Variants in CUL2 observed in about 807,000 individuals in gnomAD.
The protein encoded by CUL2 is cullin 2.
In CUL2, 22 loss-of-function variants were observed where a neutral mutation model predicts 110.2. The ratio of observed to expected loss-of-function variants is 0.20; its 90% confidence interval spans 0.14 to 0.28. CUL2 has a LOEUF of 0.28. Ranked by LOEUF, CUL2 falls within the 10% of genes least tolerant of loss-of-function variation. The pLI, the probability that CUL2 is intolerant of heterozygous loss-of-function variation, is 1.00. For missense variants in CUL2, 631 were observed against 905.5 expected (o/e 0.70, Z 3.89); for synonymous variants, 279 against 293.2 (o/e 0.95, Z 0.49).
intron 2 of CUL2, among the ~76,000 whole-genome samples, chr10:35,067,275 G>T (rs1217379929): frequency 6.6e-6 from 1 of 152,098 alleles, no homozygotes; most frequent in Non-Finnish European, 1.5e-5. Context: ...AATCATTTTG[G>T]ACTTACTATA....
In CUL2 at chr10:35,031,181, C is replaced by A; in HGVS notation, c.1386+119G>T. 1 of 638,266 alleles carries A rather than the reference C, an allele frequency of 1.6e-6. No homozygotes were observed. The highest frequency in any genetic ancestry group is 2.7e-6 in the Non-Finnish European group (1 of 373,386). The allele number at this position is 638,266 out of a possible 1,614,324, so 39.5% of individuals were successfully genotyped here. ...TTGTATATCCCACTGTGTGACTACA[C>A]AAATACACATTTAACCAGATGAATT... is the stretch of plus-strand genomic sequence containing the variant. On this transcript the variant is annotated intron_variant, in intron 14 of 20. Coordinates refer to ENST00000374749, the MANE Select transcript of CUL2 (RefSeq NM_003591.4). The surrounding 1 kb of genome is among the most constrained non-coding windows in gnomAD (Gnocchi z 4.4).
At chr10:35,061,052 C>A in intron 3 of CUL2, 84 bp from the exon 4 acceptor site, 1 of 1,366,516 alleles carries the variant, frequency 7.3e-7, no homozygotes, top group East Asian at 2.5e-5. Flanking sequence ...AATTAATGTT[C>A]TAAAATAATT....
At chr10:35,091,141 T>C (rs959890103), upstream of CUL2, among the ~76,000 whole-genome samples, 9 of 152,198 alleles carry the variant, frequency 5.9e-5, no homozygotes, top group African/African-American at 1.9e-4. Flanking sequence ...ACGGTAAAGC[T>C]GATAAAAATA....
chr10:35,071,486 G>A (rs1429867920), intron 1 of CUL2, 147 bp from the exon 2 acceptor site: 7 of 620,280 alleles, frequency 1.1e-5, no homozygotes, highest in Non-Finnish European at 1.6e-5. Context: ...CTCACTGCAA[G>A]CTCCGCCTCC....
At chr10:35,013,567 C>G in intron 19 of CUL2, 132 bp downstream of exon 19, 1 of 586,528 alleles carries the variant, frequency 1.7e-6, no homozygotes. Flanking sequence ...ATGCCAACAA[C>G]AAACCAGAAA....
chr10:35,049,192 T>TGA (rs921385592), intron 6 of CUL2, among the ~76,000 whole-genome samples: 1 of 152,230 alleles, frequency 6.6e-6, no homozygotes, highest in African/African-American at 2.4e-5. Flanking sequence ...TTAACCACTC[T>TGA]GAGCCATGGG....
intron 6 of CUL2, among the ~76,000 whole-genome samples, chr10:35,048,823 GTGA>G (rs2086017705): frequency 6.6e-6 from 1 of 152,136 alleles, no homozygotes; most frequent in African/African-American, 2.4e-5. Context: ...ATCTTCTTAT[GTGA>G]GGCATAGGGG....
At chr10:35,075,050 C>G (rs2086779419) in intron 1 of CUL2, among the ~76,000 whole-genome samples, 1 of 152,176 alleles carries the variant, frequency 6.6e-6, no homozygotes, top group African/African-American at 2.4e-5. Flanking sequence ...AACAGTTGCA[C>G]AGACTTTTTT....
At chr10:35,043,930 T>C (rs1407561713) in intron 8 of CUL2, among the ~76,000 whole-genome samples, 3 of 150,822 alleles carry the variant, frequency 2.0e-5, no homozygotes, top group African/African-American at 7.3e-5. Flanking sequence ...TTGCTGGGCG[T>C]GGTGGTGTGT....
At chr10:35,010,522 T>C (rs912163503) in intron 20 of CUL2, 80 bp from the exon 21 acceptor site, 30 of 1,382,190 alleles carry the variant, frequency 2.2e-5, no homozygotes, top group Non-Finnish European at 2.7e-5. Flanking sequence ...CAGTTTAAAG[T>C]GCCTCAAATG....
intron 1 of CUL2, chr10:35,074,135 G>A: frequency 6.7e-7 from 1 of 1,503,550 alleles, no homozygotes; most frequent in Non-Finnish European, 8.9e-7. Context: ...CAAAGTTCTT[G>A]ACTTCAAGAT....
rs2084820469 is a variant in CUL2 at position 35,008,688 on chromosome 10, G to A, written c.*1623C>T. The stretch of plus-strand genomic sequence containing the variant: ...GTAAAATGAGAAATACATTATATAA[G>A]TCATTATAAGTTCAGTAGATTTTTA... On this transcript the variant is annotated 3_prime_UTR_variant, in exon 21 of 21. Transcript: ENST00000374749. The A allele has an allele frequency of 2.0e-5, 3 of 152,092 alleles. No individual in the cohort carries two copies. Among genetic ancestry groups the A allele is most frequent in the Non-Finnish European group, 4.4e-5 (3 of 68,020 alleles). The allele number at this position is 152,092 out of a possible 1,614,324, so 9.4% of individuals were successfully genotyped here. A position where few individuals can be genotyped will look rare whatever the true frequency, so the allele number is the denominator to read the frequency against.
chr10:35,095,216 CA>C (rs746503175), upstream of CUL2, among the ~76,000 whole-genome samples: 29 of 151,332 alleles, frequency 1.9e-4, no homozygotes, highest in Non-Finnish European at 4.3e-4. Context: ...CCCAGCTACT[CA>C]GGAGGCTGAG....
In CUL2 at chr10:35,013,820, A is replaced by G; in HGVS notation, c.1888-20T>C. 1 of 1,372,620 alleles carries G rather than the reference A, an allele frequency of 7.3e-7. No individual in the cohort carries two copies. The highest frequency in any genetic ancestry group is 9.6e-7 in the Non-Finnish European group (1 of 1,037,472). The allele number at this position is 1,372,620 out of a possible 1,614,324, so 85.0% of individuals were successfully genotyped here. ...ATCTTCCTACATTTAAAAATAAAAC[A>G]TTTATATTTATAAAAACCAAAATCT... On this transcript the variant is annotated intron_variant, in intron 18 of 20. Transcript: ENST00000374749.
intron 7 of CUL2, 34 bp downstream of exon 7, chr10:35,044,738 G>A: frequency 6.3e-7 from 1 of 1,580,812 alleles, no homozygotes; most frequent in Non-Finnish European, 8.7e-7. Context: ...GAAATTAACA[G>A]TCTGATTATT....
chr10:35,110,906 G>T (rs540852453), intron 1 of CUL2, among the ~76,000 whole-genome samples: 28 of 152,318 alleles, frequency 1.8e-4, no homozygotes, highest in African/African-American at 6.7e-4. Flanking sequence ...GAGACTTAGA[G>T]AAGTGAATTT....
chr10:35,108,065 C>T (rs190033350), intron 1 of CUL2, among the ~76,000 whole-genome samples: 16 of 152,090 alleles, frequency 1.1e-4, no homozygotes, highest in African/African-American at 2.7e-4. Flanking sequence ...GGAAAAATAA[C>T]ATCTTCGCCT....
At chr10:35,109,055 A>G (rs1349497444) in intron 1 of CUL2, among the ~76,000 whole-genome samples, 1 of 152,166 alleles carries the variant, frequency 6.6e-6, no homozygotes. Flanking sequence ...TCTACAAAAA[A>G]TACAAAAGTT....
chr10:35,049,860 G>A, intron 5 of CUL2, 95 bp from the exon 6 acceptor site: 1 of 762,662 alleles, frequency 1.3e-6, no homozygotes, highest in South Asian at 1.8e-5. Flanking sequence ...CTCATCAAAA[G>A]AAGTATTTAT....
Sources: gnomAD v4.1 joint callset for allele counts (sites outside exome capture counted in the v4.1 genomes callset) on GRCh38, gnomAD v4.1.1 for gene constraint, Gnocchi (gnomAD v3.1) non-coding constraint, MANE v1.5 for transcripts, NCBI Gene and HGNC (gene_info 2026-07-23, HGNC 2026-07-21) for gene names.